TELO2: variants seen among roughly 807,000 people sequenced by gnomAD.
The protein encoded by TELO2 is telomere length regulation protein TEL2 homolog.
TELO2 carries 71 observed loss-of-function variants against 91.0 expected under a neutral mutation model. The observed-to-expected ratio is 0.78, with a 90% confidence interval of 0.64 to 0.95. TELO2 has a LOEUF of 0.95. Ranked by LOEUF, TELO2 falls within the 40% of genes least tolerant of loss-of-function variation. The pLI, the probability that TELO2 is intolerant of heterozygous loss-of-function variation, is 0.00. For missense variants in TELO2, 1,183 were observed against 1,141.3 expected (o/e 1.04, Z -0.53); for synonymous variants, 584 against 518.9 (o/e 1.13, Z -1.71).
At chr16:1,499,027 G>A (rs1361471223) in intron 5 of TELO2, among the ~76,000 whole-genome samples, 3 of 152,182 alleles carry the variant, frequency 2.0e-5, no homozygotes, top group South Asian at 2.1e-4. Flanking sequence ...CGGTGCACGC[G>A]CTCTCTGGGT....
chr16:1,509,384 G>T (rs1290416005), intron 20 of TELO2, among the ~76,000 whole-genome samples: 2 of 152,210 alleles, frequency 1.3e-5, no homozygotes, highest in East Asian at 1.9e-4. Context: ...CCTTGGTGAG[G>T]GTCCCAGCAC....
At chr16:1,503,643 A>G (rs1341361644) in intron 15 of TELO2, among the ~76,000 whole-genome samples, 2 of 152,158 alleles carry the variant, frequency 1.3e-5, no homozygotes, top group Non-Finnish European at 2.9e-5. Flanking sequence ...GTTCGATTTC[A>G]CTTAAGCGAG....
intron 20 of TELO2, among the ~76,000 whole-genome samples, chr16:1,508,221 C>T (rs894936785): frequency 3.3e-5 from 5 of 152,184 alleles, no homozygotes; most frequent in Non-Finnish European, 7.3e-5. Flanking sequence ...CGACCTCCGC[C>T]TCCTGGGTTC....
At chr16:1,499,458 C>A in intron 6 of TELO2, 125 bp downstream of exon 6, 1 of 1,075,432 alleles carries the variant, frequency 9.3e-7, no homozygotes, top group Non-Finnish European at 1.4e-6. Context: ...CAGTGGCTGG[C>A]AGGAGTTGGC....
intron 18 of TELO2, 95 bp downstream of exon 18, chr16:1,507,146 G>T: frequency 1.3e-6 from 2 of 1,501,926 alleles, no homozygotes; most frequent in South Asian, 2.5e-5. Flanking sequence ...GGTGTCTGAG[G>T]GAGGGGCTGC....
In TELO2 at chr16:1,495,521, C is replaced by T. The variant is rs768270205; in HGVS notation, c.511C>T (p.Leu171=). Residue 171 remains leucine (L), a synonymous_variant, in exon 3 of 21, where the codon CTG becomes TTG. Coordinates refer to ENST00000262319, the MANE Select transcript of TELO2 (RefSeq NM_016111.4). ...CCTGCCCGATCACCTGGGCAACCGC[C>T]TGCAGCAGGAGAACTTGGCCGAGTT... The part of the protein sequence containing the change: ...VALPDHLGNR[L]QQENLAEFFP... The T allele has an allele frequency of 6.2e-7, 1 of 1,611,404 alleles. No homozygotes were observed. Among genetic ancestry groups the T allele is most frequent in the Non-Finnish European group, 8.5e-7 (1 of 1,179,962 alleles).
intron 15 of TELO2, among the ~76,000 whole-genome samples, chr16:1,504,874 G>T (rs202076966): frequency 1.3e-5 from 2 of 151,954 alleles, no homozygotes; most frequent in Admixed American, 1.3e-4. Context: ...TCACGCAGCC[G>T]CCTCTGTCTA....
In TELO2 at chr16:1,500,643, G is replaced by A. The variant is rs1382561245; in HGVS notation, c.1225G>A (p.Val409Met). 3.1e-6 allele frequency: 5 copies of A among 1,612,452 alleles called. No homozygotes were observed. Among genetic ancestry groups the A allele is most frequent in the African/African-American group, 2.7e-5 (2 of 74,924 alleles). ...LPPVRRLGMIVAEVVSARIHP... is the reference protein window; with the variant it reads ...LPPVRRLGMIMAEVVSARIHP... ...CCCCGTGCGACGCCTGGGCATGATC[G>A]TGGCAGAGGTCGTTAGTGCCCGGAT... Residue 409 changes from valine to methionine, a missense_variant, in exon 9 of 21, where the codon GTG (valine) becomes ATG (methionine). Physicochemically the swap from Val to Met is conservative, Grantham distance 21. Coordinates refer to ENST00000262319, the MANE Select transcript of TELO2 (RefSeq NM_016111.4).
intron 20 of TELO2, 27 bp from the exon 21 acceptor site, chr16:1,509,803 G>C (rs1437315275): frequency 1.3e-6 from 2 of 1,597,002 alleles, no homozygotes; most frequent in East Asian, 2.3e-5. Context: ...CGCTGCCTCA[G>C]CTTTGCTTGT....
intron 17 of TELO2, chr16:1,506,690 A>G (rs2039905366): frequency 7.3e-7 from 1 of 1,372,060 alleles, no homozygotes; most frequent in East Asian, 2.9e-5. Context: ...ATGGCAGAGA[A>G]GTGTGGGGCC....
At chr16:1,506,603 C>G in intron 17 of TELO2, 1 of 1,393,548 alleles carries the variant, frequency 7.2e-7, no homozygotes, top group Non-Finnish European at 9.3e-7. Flanking sequence ...ACGCCATCAC[C>G]TGCTGGGCCC....
chr16:1,510,113 TA>T lies in TELO2; in HGVS notation c.*182del. On this transcript the variant is annotated 3_prime_UTR_variant, in exon 21 of 21. Coordinates refer to ENST00000262319, the MANE Select transcript of TELO2 (RefSeq NM_016111.4). The stretch of plus-strand genomic sequence containing the variant: ...GCTATTTATAGTGCAGCCAGTCCGC[TA>T]AAAATACACTGGGCCTGGGCACTGC... The T allele has an allele frequency of 3.3e-6, 2 of 606,098 alleles. No individual in the cohort carries two copies. Among genetic ancestry groups the T allele is most frequent in the Admixed American group, 2.9e-5 (1 of 34,456 alleles). 37.5% of individuals were successfully genotyped at this position (606,098 alleles called of 1,614,324 possible). A position where few individuals can be genotyped will look rare whatever the true frequency, so the allele number is the denominator to read the frequency against.
chr16:1,504,110 G>A (rs1458816470), intron 15 of TELO2, among the ~76,000 whole-genome samples: 1 of 130,704 alleles, frequency 7.7e-6, no homozygotes. Flanking sequence ...GGGCAATAGA[G>A]CAAGACTCTG....
rs2039412679 is a variant in TELO2 at position 1,494,594 on chromosome 16, G to A, written c.313G>A (p.Glu105Lys). Residue 105 changes from glutamate to lysine, a missense_variant, in exon 2 of 21, where the codon GAG becomes AAG. Physicochemically the swap from Glu to Lys is moderately conservative, Grantham distance 56 (BLOSUM62 1). Coordinates refer to ENST00000262319, the MANE Select transcript of TELO2 (RefSeq NM_016111.4). This position sits in a 1 kb window ranked among gnomAD's most constrained non-coding sequence, Gnocchi z 5.6. ...GGACCAAGCCTTCCTGGTGTTGATG[G>A]AGACCATCGAGGGTGCTGCGGGGTG... ...PADQAFLVLM[E>K]TIEGAAGPSF... 2 of 1,613,192 alleles carry A rather than the reference G, an allele frequency of 1.2e-6. No individual in the cohort carries two copies. Among genetic ancestry groups the A allele is most frequent in the Non-Finnish European group, 8.5e-7 (1 of 1,179,734 alleles).
At chr16:1,504,694 A>T (rs1284959058) in intron 15 of TELO2, among the ~76,000 whole-genome samples, 1 of 149,660 alleles carries the variant, frequency 6.7e-6, no homozygotes, top group Non-Finnish European at 1.5e-5. Flanking sequence ...AGTAGCTGGG[A>T]CTACAGGCGC....
Position 1,494,955 on chromosome 16 carries a change from C to A in TELO2, c.335+339C>A, listed in dbSNP as rs569616005. On this transcript the variant is annotated intron_variant, in intron 2 of 20. Transcript: ENST00000262319. The surrounding 1 kb of genome is among the most constrained non-coding windows in gnomAD (Gnocchi z 5.6). ...ACAGCTGTCATCACTGACACGTGTC[C>A]CATGTGGACTCCCAGCCCCAGCCGG... 6.6e-6 allele frequency among the ~76,000 whole-genome samples: 1 copy of A among 152,292 alleles called. No homozygotes were observed. Among genetic ancestry groups the A allele is most frequent in the Non-Finnish European group, 1.5e-5 (1 of 68,028 alleles).
At chr16:1,500,805 C>T (rs1417142268) in intron 9 of TELO2, 106 bp downstream of exon 9, 47 of 1,494,560 alleles carry the variant, frequency 3.1e-5, no homozygotes, top group Admixed American at 1.7e-4. Flanking sequence ...TCCAGACTTG[C>T]GGAGCGTCCG....
intron 15 of TELO2, among the ~76,000 whole-genome samples, chr16:1,504,614 G>C (rs1238050303): frequency 4.8e-5 from 6 of 126,050 alleles, no homozygotes; most frequent in Non-Finnish European, 8.0e-5. Context: ...CTGGAGTGCA[G>C]TGGCGCGATC....
At chr16:1,507,170 C>T (rs888587411) in intron 18 of TELO2, 119 bp downstream of exon 18, 21 of 1,479,534 alleles carry the variant, frequency 1.4e-5, no homozygotes, top group African/African-American at 1.2e-4. Flanking sequence ...TGTGGGCCCC[C>T]GGGCAGCGGG....
Sources: allele counts gnomAD v4.1 joint callset (sites outside exome capture counted in the v4.1 genomes callset), GRCh38; gene constraint gnomAD v4.1.1; non-coding constraint Gnocchi (gnomAD v3.1); transcripts MANE v1.5; gene names NCBI Gene and HGNC (gene_info 2026-07-23, HGNC 2026-07-21).